MIB2: variants seen among roughly 807,000 people sequenced by gnomAD.
MIB2 encodes the protein MIB E3 ubiquitin protein ligase 2, also known as E3 ubiquitin-protein ligase MIB2.
In MIB2, 78 loss-of-function variants were observed where a neutral mutation model predicts 96.6. The observed-to-expected ratio is 0.81, with a 90% CI of 0.67 to 0.97. The LOEUF (loss-of-function observed/expected upper bound fraction) is 0.97, where lower values mean the gene tolerates loss of function less well. Among genes scored for constraint, MIB2 ranks in the 50% least tolerant of loss-of-function variants. The probability of loss-of-function intolerance (pLI) is 0.00; values close to 1 mark genes in which losing one functional copy is unlikely to be tolerated. For synonymous variants in MIB2, 820 were observed against 629.5 expected (o/e 1.30, Z -4.53); for missense variants, 1,543 against 1,424.0 (o/e 1.08, Z -1.35).
In MIB2 at chr1:1,629,441, C is replaced by A; in HGVS notation, c.2438C>A (p.Pro813His). ...APGPRQTLGT[P>H]NTVTNLHVGA... ...GGCCCCAGGCAAACGCTCGGGACCC[C>A]CAACACCGTGACGAACCTGCACGTG... Residue 813 changes from proline to histidine, a missense_variant, in exon 18 of 20, where the codon CCC becomes CAC. Coordinates refer to ENST00000355826, the MANE Select transcript of MIB2 (RefSeq NM_001170687.4). 6.5e-7 allele frequency: 1 copy of A among 1,529,684 alleles called. No individual in the cohort carries two copies. Among genetic ancestry groups the A allele is most frequent in the Non-Finnish European group, 8.7e-7 (1 of 1,144,764 alleles). The allele number at this position is 1,529,684 out of a possible 1,614,324, so 94.8% of individuals were successfully genotyped here.
chr1:1,619,334 C>T (rs1163208815), intron 2 of MIB2: 1 of 152,360 alleles, frequency 6.6e-6, no homozygotes, highest in Admixed American at 6.5e-5. Flanking sequence ...GAGATTGCGC[C>T]ACTGCGCTCC....
rs1644745833 is a variant in MIB2 at position 1,626,218 on chromosome 1, C to T, written c.973-432C>T. ...CCTTTGAGGAGGCGCCGAAGGGAGT[C>T]ATGAGACGGGCTTGTAGAGTGAGTT... On this transcript the variant is annotated intron_variant, in intron 8 of 19. Transcript: ENST00000355826. The surrounding 1 kb of genome is among the most constrained non-coding windows in gnomAD (Gnocchi z 5.3). The T allele has an allele frequency of 4.7e-6, 1 of 211,718 alleles. No homozygotes were observed. Among genetic ancestry groups the T allele is most frequent in the Admixed American group, 5.2e-5 (1 of 19,348 alleles). The allele number at this position is 211,718 out of a possible 1,614,324, so 13.1% of individuals were successfully genotyped here.
chr1:1,625,278 C>T lies in MIB2; in HGVS notation c.722-8C>T. ...GCTGCCTGAGGCCTGGTCTGCCACC[C>T]TCCGCAGGCAAGCCGGCGGAGCTGC... On this transcript the variant is annotated splice_region_variant and splice_polypyrimidine_tract_variant and intron_variant, in intron 6 of 19. Coordinates refer to ENST00000355826, the MANE Select transcript of MIB2 (RefSeq NM_001170687.4). This position sits in a 1 kb window ranked among gnomAD's most constrained non-coding sequence, Gnocchi z 5.0. 1 of 1,593,956 alleles carries T rather than the reference C, an allele frequency of 6.3e-7. No homozygotes were observed.
At position 1,628,303 on chromosome 1, in the gene MIB2, G is replaced by A. The variant is rs1285686676; in HGVS notation, c.1872G>A (p.Arg624=). The change falls in exon 15 of 20, where the codon CGG becomes CGA. Residue 624 remains arginine (R), a synonymous_variant. Transcript: ENST00000355826. The stretch of plus-strand genomic sequence containing the variant: ...TGAGAAAGATTCTGGCTCGGGCGCG[G>A]CAGCTGGTGGACGCCAAGAAGGAGG... ...LAVRKILARA[R]QLVDAKKEDG... The A allele has an allele frequency of 1.2e-6, 2 of 1,612,836 alleles. No homozygotes were observed. The highest frequency in any genetic ancestry group is 1.3e-5 in the African/African-American group (1 of 74,950).
At chr1:1,623,198 C>G (rs1644418113) in intron 2 of MIB2, 1 of 645,880 alleles carries the variant, frequency 1.5e-6, no homozygotes. Context: ...CCAGACCACC[C>G]TGCAGTTCCC....
intron 4 of MIB2, among the ~76,000 whole-genome samples, chr1:1,624,508 G>A (rs757935680): frequency 2.6e-5 from 4 of 152,230 alleles, no homozygotes; most frequent in Non-Finnish European, 4.4e-5. Context: ...CAGAGGTCTT[G>A]CCGAGGGTGG....
At chr1:1,616,207 C>A in intron 1 of MIB2, 1 of 654,184 alleles carries the variant, frequency 1.5e-6, no homozygotes, top group Non-Finnish European at 1.9e-6. Flanking sequence ...TGGGGGTGCC[C>A]GCCGTGCCCG....
At chr1:1,630,107 G>T (rs1384954892) in intron 19 of MIB2, among the ~76,000 whole-genome samples, 185 bp from the exon 20 acceptor site, 1 of 135,896 alleles carries the variant, frequency 7.4e-6, no homozygotes, top group African/African-American at 2.8e-5. Flanking sequence ...TGATTTCCAC[G>T]GCTCACCTCC....
At chr1:1,628,447 C>G (rs1372274252) in intron 15 of MIB2, 42 bp from the exon 16 acceptor site, 1 of 1,599,308 alleles carries the variant, frequency 6.3e-7, no homozygotes, top group African/African-American at 1.3e-5. Context: ...GCGGGAGGCC[C>G]ACTGGGGTCC....
Position 1,625,514 on chromosome 1 carries a change from C to G in MIB2, c.865-32C>G, listed in dbSNP as rs755947728. On this transcript the variant is annotated intron_variant, in intron 7 of 19. Transcript: ENST00000355826. The surrounding 1 kb of genome is among the most constrained non-coding windows in gnomAD (Gnocchi z 5.0). The stretch of plus-strand genomic sequence containing the variant: ...CCCCTTCCTCCCCAAGCGTCCAGCC[C>G]GACCCAGCCACAGCTCCATGACCCG... The G allele has an allele frequency of 1.3e-6, 2 of 1,550,806 alleles. No homozygotes were observed. The highest frequency in any genetic ancestry group is 1.7e-6 in the Non-Finnish European group (2 of 1,146,072).
chr1:1,615,476 GGCGGGGGCGGGCCCTGGGCTCCC>G (rs1204444455), upstream of MIB2: 7 of 1,521,066 alleles, frequency 4.6e-6, no homozygotes, highest in African/African-American at 5.6e-5. Flanking sequence ...GGGGCGCTCC[GGCGGGGGCGGGCCCTGGGCTCCC>G]GCCCTTCGGG....
chr1:1,629,362 C>A, intron 17 of MIB2, 23 bp from the exon 18 acceptor site: 1 of 1,438,496 alleles, frequency 7.0e-7, no homozygotes, highest in South Asian at 1.5e-5. Flanking sequence ...GGGCCCCTCT[C>A]AAGCCGCCTC....
chr1:1,627,172 C>G lies in MIB2; in HGVS notation c.1339C>G (p.Arg447Gly). 6.3e-7 allele frequency: 1 copy of G among 1,591,612 alleles called. No individual in the cohort carries two copies. The highest frequency in any genetic ancestry group is 8.5e-7 in the Non-Finnish European group (1 of 1,169,736). ...VVEVALGNAA[R>G]ALDLLRRRPE... Reference sequence around the variant, plus strand: ...GGAGGTGGCGCTGGGTAACGCAGCCCGGGCTCTGGACCTGCTGCGGAGGCG... The same window carrying G: ...GGAGGTGGCGCTGGGTAACGCAGCCGGGGCTCTGGACCTGCTGCGGAGGCG... Residue 447 changes from arginine (R) to glycine (G), a missense_variant, in exon 11 of 20, where the codon CGG becomes GGG. Coordinates refer to ENST00000355826, the MANE Select transcript of MIB2 (RefSeq NM_001170687.4).
chr1:1,615,091 G>A (rs985026379), upstream of MIB2: 8 of 269,014 alleles, frequency 3.0e-5, no homozygotes, highest in Admixed American at 2.8e-4. Flanking sequence ...ACTTCTCTCA[G>A]GAGAAAGCGA....
At chr1:1,627,903 T>C in intron 13 of MIB2, 74 bp downstream of exon 13, 1 of 1,595,870 alleles carries the variant, frequency 6.3e-7, no homozygotes, top group Non-Finnish European at 8.5e-7. Context: ...CCTCTGCCCA[T>C]GTGTGCTGCT....
intron 17 of MIB2, 29 bp downstream of exon 17, chr1:1,629,340 C>T (rs746262241): frequency 6.9e-6 from 10 of 1,444,764 alleles, no homozygotes; most frequent in Non-Finnish European, 9.0e-6. Flanking sequence ...GGGATGGGGT[C>T]CGGCGGCCTC....
intron 2 of MIB2, chr1:1,617,708 G>A (rs1196388731): frequency 6.6e-6 from 1 of 152,180 alleles, no homozygotes; most frequent in Non-Finnish European, 1.5e-5. Context: ...GCTGGTGTGT[G>A]CTCTGAGGTA....
intron 19 of MIB2, among the ~76,000 whole-genome samples, chr1:1,629,971 A>C: frequency 7.2e-6 from 1 of 138,138 alleles, no homozygotes; most frequent in East Asian, 2.2e-4. Flanking sequence ...CCCCTCCCAG[A>C]TCACACTCCC....
At chr1:1,628,767 C>G in intron 16 of MIB2, 45 bp downstream of exon 16, 4 of 1,411,832 alleles carry the variant, frequency 2.8e-6, no homozygotes, top group Non-Finnish European at 2.8e-6. Context: ...GCGGTGGCGC[C>G]GGCAGCAGGC....
Sources: allele counts gnomAD v4.1 joint callset (sites outside exome capture counted in the v4.1 genomes callset), GRCh38; gene constraint gnomAD v4.1.1; non-coding constraint Gnocchi (gnomAD v3.1); transcripts MANE v1.5; gene names NCBI Gene and HGNC (gene_info 2026-07-23, HGNC 2026-07-21).